The following PSD2 variants were observed in gnomAD, a reference collection of about 807,000 sequenced individuals.
The protein encoded by PSD2 is pleckstrin and Sec7 domain containing 2.
A neutral mutation model predicts 69.8 loss-of-function variants in PSD2; 38 were observed. The observed-to-expected ratio is 0.54, with a 90% CI of 0.42 to 0.71. The LOEUF is 0.71. Among genes scored for constraint, PSD2 ranks in the 30% least tolerant of loss-of-function variants. The pLI is 0.00. For missense variants in PSD2, 943 were observed against 1,014.5 expected (o/e 0.93, Z 0.96); for synonymous variants, 412 against 423.0 (o/e 0.97, Z 0.32).
rs1023594061 is a variant in PSD2 at position 139,838,846 on chromosome 5, A to C, written c.1968+74A>C. 2.0e-6 allele frequency: 3 copies of C among 1,505,604 alleles called. No homozygotes were observed. In the African/African-American group the frequency reaches 4.1e-5, roughly 21 times the overall value. The allele number at this position is 1,505,604 out of a possible 1,614,324, so 93.3% of individuals were successfully genotyped here. A position where few individuals can be genotyped will look rare whatever the true frequency, so the allele number is the denominator to read the frequency against. On this transcript the variant is annotated intron_variant, in intron 13 of 14. Transcript: ENST00000274710. The stretch of plus-strand genomic sequence containing the variant: ...GCCCAGGCCCCCATCCAGCAGCCCC[A>C]CCCCAGCTCTGTCTCTAGGCTGGGT...
intron 7 of PSD2, among the ~76,000 whole-genome samples, chr5:139,825,482 T>C (rs1581729662): frequency 6.6e-6 from 1 of 152,202 alleles, no homozygotes; most frequent in South Asian, 2.1e-4. Flanking sequence ...TGCAGAACTG[T>C]TTCCATAGTG....
At chr5:139,783,426 A>G in the PSD2 span, among the ~76,000 whole-genome samples, 1 of 152,218 alleles carries the variant, frequency 6.6e-6, no homozygotes, top group Non-Finnish European at 1.5e-5. Flanking sequence ...TGGATGACAG[A>G]ACAAGACCCT....
intron 1 of PSD2, among the ~76,000 whole-genome samples, chr5:139,798,131 C>T (rs1459972996): frequency 1.3e-5 from 2 of 152,206 alleles, no homozygotes; most frequent in East Asian, 3.9e-4. Context: ...TTTAGACTGG[C>T]TCTCCAAACA....
intron 1 of PSD2, among the ~76,000 whole-genome samples, chr5:139,808,847 G>T (rs187409414): frequency 6.6e-6 from 1 of 152,368 alleles, no homozygotes; most frequent in Non-Finnish European, 1.5e-5. Flanking sequence ...CAATTAGGCT[G>T]CGTCTGTTGA....
At chr5:139,790,715 G>A in the PSD2 span, among the ~76,000 whole-genome samples, 36 of 152,272 alleles carry the variant, frequency 2.4e-4, no homozygotes, top group African/African-American at 7.9e-4. Context: ...CTGAGGACTA[G>A]GCCACAGTCT....
At chr5:139,835,458 G>A (rs535811483) in intron 8 of PSD2, among the ~76,000 whole-genome samples, 1 of 152,236 alleles carries the variant, frequency 6.6e-6, no homozygotes, top group South Asian at 2.1e-4. Context: ...ATTCAGTAGT[G>A]AACAAATGGA....
chr5:139,785,965 C>T, the PSD2 span, among the ~76,000 whole-genome samples: 312 of 151,992 alleles, frequency 2.1e-3, 3 homozygotes, highest in East Asian at 0.013. Flanking sequence ...GGCATACACC[C>T]GCGGTCCCAG....
chr5:139,744,944 G>A, the PSD2 span: 5 of 152,466 alleles, frequency 3.3e-5, no homozygotes, highest in Non-Finnish European at 7.3e-5. Flanking sequence ...GAAGTTTGAG[G>A]CCCAGAGATG....
In PSD2 at chr5:139,837,954, G is replaced by A. The variant is rs990580240; in HGVS notation, c.1823+172G>A. 2.0e-5 allele frequency among the ~76,000 whole-genome samples: 3 copies of A among 152,208 alleles called. No homozygotes were observed. Among genetic ancestry groups the A allele is most frequent in the African/African-American group, 7.2e-5 (3 of 41,438 alleles). The stretch of plus-strand genomic sequence containing the variant: ...GGTTCCCAATGTGTGGTTCCCCTCA[G>A]CATCATTTGCAGTCTCTCTGGCCCC... On this transcript the variant is annotated intron_variant, in intron 12 of 14. Transcript: ENST00000274710. This position sits in a 1 kb window ranked among gnomAD's most constrained non-coding sequence, Gnocchi z 5.0.
At chr5:139,812,057 A>G (rs1759981362) in intron 2 of PSD2, among the ~76,000 whole-genome samples, 1 of 152,000 alleles carries the variant, frequency 6.6e-6, no homozygotes, top group African/African-American at 2.4e-5. Context: ...GAATCTTCCC[A>G]GGCTCCTCAG....
chr5:139,766,842 T>C, the PSD2 span, among the ~76,000 whole-genome samples: 4 of 147,210 alleles, frequency 2.7e-5, no homozygotes, highest in Non-Finnish European at 6.0e-5. Context: ...TTTCTTTCTT[T>C]CTTTCTTTCT....
the PSD2 span, among the ~76,000 whole-genome samples, chr5:139,744,383 C>G: frequency 6.6e-6 from 1 of 152,182 alleles, no homozygotes; most frequent in African/African-American, 2.4e-5. Flanking sequence ...CCCTCTCTGA[C>G]TTTACTTTCC....
chr5:139,783,700 C>T, the PSD2 span, among the ~76,000 whole-genome samples: 64 of 152,102 alleles, frequency 4.2e-4, no homozygotes, highest in African/African-American at 1.5e-3. Flanking sequence ...GTCTTTTCCA[C>T]GAAAACGGCT....
Position 139,814,040 on chromosome 5 carries a change from G to A in PSD2, c.822-130G>A, listed in dbSNP as rs781361057. The stretch of plus-strand genomic sequence containing the variant: ...AAGTCTGATTTCATTCCCTCCGGCT[G>A]CAGTGGAGCTTCTTTCCCTGTTCTG... On this transcript the variant is annotated intron_variant, in intron 3 of 14. Coordinates refer to ENST00000274710, the MANE Select transcript of PSD2 (RefSeq NM_032289.4). This position sits in a 1 kb window ranked among gnomAD's most constrained non-coding sequence, Gnocchi z 4.4. 2.3e-6 allele frequency: 2 copies of A among 856,704 alleles called. No individual in the cohort carries two copies. Among genetic ancestry groups the A allele is most frequent in the African/African-American group, 1.7e-5 (1 of 58,530 alleles). The allele number at this position is 856,704 out of a possible 1,614,324, so 53.1% of individuals were successfully genotyped here.
chr5:139,789,886 T>G, the PSD2 span, among the ~76,000 whole-genome samples: 4 of 150,664 alleles, frequency 2.7e-5, no homozygotes, highest in East Asian at 7.8e-4. Context: ...AGAATTTTAG[T>G]AGAGTGGTCA....
At chr5:139,791,067 G>T (rs372959456), upstream of PSD2, among the ~76,000 whole-genome samples, 20 of 151,506 alleles carry the variant, frequency 1.3e-4, no homozygotes, top group African/African-American at 4.8e-4. Flanking sequence ...AATAAAAAAA[G>T]AAAAGAAAAT....
chr5:139,755,217 C>A, the PSD2 span, among the ~76,000 whole-genome samples: 1 of 152,162 alleles, frequency 6.6e-6, no homozygotes, highest in Admixed American at 6.5e-5. Context: ...TGTGTTCCAG[C>A]GACGCCACCT....
the PSD2 span, among the ~76,000 whole-genome samples, chr5:139,782,162 G>C: frequency 2.6e-5 from 4 of 152,094 alleles, no homozygotes; most frequent in Non-Finnish European, 4.4e-5. Context: ...ATAAATGCTT[G>C]TTATCTAGTT....
the PSD2 span, among the ~76,000 whole-genome samples, chr5:139,748,170 G>A: frequency 1.3e-5 from 2 of 152,026 alleles, no homozygotes; most frequent in African/African-American, 2.4e-5. Flanking sequence ...TTGGATCTGA[G>A]CTGATTCACA....
Sources: allele counts gnomAD v4.1 joint callset (sites outside exome capture counted in the v4.1 genomes callset), GRCh38; gene constraint gnomAD v4.1.1; non-coding constraint Gnocchi (gnomAD v3.1); transcripts MANE v1.5; gene names NCBI Gene and HGNC (gene_info 2026-07-23, HGNC 2026-07-21).